Variants in SOX6 observed in about 807,000 individuals in gnomAD.
SOX6 encodes the protein SRY-box transcription factor 6, also known as transcription factor SOX-6.
SOX6 carries 11 observed loss-of-function variants against 97.8 expected under a neutral mutation model. That is an observed-to-expected ratio of 0.11 (90% confidence interval 0.07 to 0.19). The LOEUF (loss-of-function observed/expected upper bound fraction) is 0.19. Ranked by LOEUF, SOX6 falls within the 10% of genes least tolerant of loss-of-function variation. SOX6 has a pLI of 1.00. For synonymous variants in SOX6, 360 were observed against 371.4 expected, an observed-to-expected ratio of 0.97 and a Z score of 0.35; for missense variants, 810 against 1,039.5, an observed-to-expected ratio of 0.78 and a Z score of 3.04.
chr11:16,583,796 T>A (rs1164474323), intron 4 of SOX6, among the ~76,000 whole-genome samples: 1 of 151,426 alleles, frequency 6.6e-6, no homozygotes, highest in Admixed American at 6.6e-5. Flanking sequence ...AATTGCTGGA[T>A]CATATGGTAG....
At chr11:16,269,491 A>C (rs937872036) in intron 3 of SOX6, among the ~76,000 whole-genome samples, 3 of 150,628 alleles carry the variant, frequency 2.0e-5, no homozygotes, top group Non-Finnish European at 3.0e-5. Flanking sequence ...ATAAATTATA[A>C]ATTTATAAAA....
At chr11:16,696,128 T>C (rs1456807915) in intron 3 of SOX6, among the ~76,000 whole-genome samples, 1 of 152,244 alleles carries the variant, frequency 6.6e-6, no homozygotes, top group East Asian at 1.9e-4. Context: ...GAAATGAACA[T>C]TTTGAAAGGT....
chr11:16,050,139 C>G (rs962038370), intron 10 of SOX6, among the ~76,000 whole-genome samples: 2 of 152,132 alleles, frequency 1.3e-5, no homozygotes, highest in African/African-American at 4.8e-5. Flanking sequence ...CTTCTATTTA[C>G]ATTAACTGTG....
At chr11:16,029,528 C>T (rs962095510) in intron 12 of SOX6, among the ~76,000 whole-genome samples, 1 of 151,510 alleles carries the variant, frequency 6.6e-6, no homozygotes, top group Non-Finnish European at 1.5e-5. Context: ...CCGAGGCACT[C>T]GGGAGGCTGA....
intron 1 of SOX6, among the ~76,000 whole-genome samples, chr11:16,424,771 T>G (rs1859091404): frequency 6.6e-6 from 1 of 152,226 alleles, no homozygotes; most frequent in Non-Finnish European, 1.5e-5. Context: ...CTACCAACTC[T>G]GAACCAGTAA....
intron 10 of SOX6, among the ~76,000 whole-genome samples, chr11:16,051,313 A>G (rs930785072): frequency 1.3e-5 from 2 of 152,168 alleles, no homozygotes; most frequent in Admixed American, 6.6e-5. Context: ...GAATGACAAA[A>G]TCGCTTGTCT....
At chr11:16,382,672 T>A (rs1013112400) in intron 1 of SOX6, among the ~76,000 whole-genome samples, 15 of 151,996 alleles carry the variant, frequency 9.9e-5, no homozygotes, top group African/African-American at 3.4e-4. Context: ...AAAGAGATGC[T>A]ATATTTAATT....
chr11:16,302,558 CTTTTTTTCTTTTTTTTTTT>C (rs1855290810), intron 3 of SOX6, among the ~76,000 whole-genome samples: 1 of 106,630 alleles, frequency 9.4e-6, no homozygotes, highest in Non-Finnish European at 2.0e-5. Flanking sequence ...ATTTTTTTTT[CTTTTTTTCTTTTTTTTTTT>C]TTTTTTTTTT....
At chr11:16,075,576 C>T (rs190943671) in intron 9 of SOX6, among the ~76,000 whole-genome samples, 5 of 152,156 alleles carry the variant, frequency 3.3e-5, no homozygotes, top group African/African-American at 4.8e-5. Flanking sequence ...AAACACCACA[C>T]GTTCTCACTC....
chr11:16,202,122 G>T (rs1851958294), intron 4 of SOX6, among the ~76,000 whole-genome samples: 1 of 151,936 alleles, frequency 6.6e-6, no homozygotes, highest in African/African-American at 2.4e-5. Flanking sequence ...TAAAAAATGA[G>T]AGTATTAAAA....
chr11:16,086,775 G>A (rs988635488), intron 9 of SOX6, among the ~76,000 whole-genome samples: 4 of 152,176 alleles, frequency 2.6e-5, no homozygotes, highest in African/African-American at 9.7e-5. Context: ...TATCACAGTA[G>A]TTCTACTGCT....
chr11:16,282,647 C>T (rs967433368), intron 3 of SOX6, among the ~76,000 whole-genome samples: 1 of 151,090 alleles, frequency 6.6e-6, no homozygotes, highest in South Asian at 2.1e-4. Context: ...AGTCTATTTG[C>T]CATTTTGAAG....
At chr11:16,183,816 G>GT (rs1305851400) in intron 6 of SOX6, 70 bp downstream of exon 6, 3 of 1,448,646 alleles carry the variant, frequency 2.1e-6, no homozygotes, top group Non-Finnish European at 2.9e-6. Flanking sequence ...CATCTGCAGA[G>GT]TTTTAAATTC....
intron 1 of SOX6, among the ~76,000 whole-genome samples, chr11:16,389,543 T>A (rs1858096362): frequency 6.6e-6 from 1 of 152,190 alleles, no homozygotes; most frequent in African/African-American, 2.4e-5. Context: ...TCTACTGAGA[T>A]GTCTTATTTT....
chr11:16,364,604 CCT>C (rs1255913571), intron 1 of SOX6, among the ~76,000 whole-genome samples: 2 of 151,860 alleles, frequency 1.3e-5, no homozygotes, highest in African/African-American at 2.4e-5. Context: ...TAATATTTAC[CCT>C]GATTACCTCA....
chr11:16,053,749 ATGT>A (rs1847744258), intron 10 of SOX6, among the ~76,000 whole-genome samples: 1 of 152,126 alleles, frequency 6.6e-6, no homozygotes, highest in Admixed American at 6.6e-5. Context: ...CTTTCAGCAA[ATGT>A]TGCCTATATT....
rs555163102 is a variant in SOX6 at position 16,334,543 on chromosome 11, T to C, written c.237+6469A>G. Among the ~76,000 whole-genome samples, 59 of 152,236 alleles carry C rather than the reference T, an allele frequency of 3.9e-4. No homozygotes were observed. In the East Asian group the frequency reaches 0.011, roughly 27 times the overall value. ...CCCAGGTTCAAGCGATTCTCCTGCT[T>C]CAGCCTTCTGAGTAGCTGGGACCAC... On this transcript the variant is annotated intron_variant, in intron 2 of 15. Coordinates refer to ENST00000683767, the MANE Select transcript of SOX6 (RefSeq NM_001367873.1).
intron 3 of SOX6, among the ~76,000 whole-genome samples, chr11:16,285,287 C>G (rs1265927412): frequency 6.6e-6 from 1 of 152,098 alleles, no homozygotes; most frequent in East Asian, 1.9e-4. Context: ...AATTCCAACA[C>G]TTTGGGAGGC....
chr11:16,292,318 T>C (rs935079766), intron 3 of SOX6, among the ~76,000 whole-genome samples: 24 of 152,134 alleles, frequency 1.6e-4, no homozygotes, highest in African/African-American at 5.1e-4. Context: ...AATGTAAACT[T>C]AAAACCTTTT....
Sources: allele counts gnomAD v4.1 joint callset (sites outside exome capture counted in the v4.1 genomes callset), GRCh38; gene constraint gnomAD v4.1.1; transcripts MANE v1.5; gene names NCBI Gene and HGNC (gene_info 2026-07-23, HGNC 2026-07-21).